TNFAIP8L3: variants seen among roughly 807,000 people sequenced by gnomAD.
TNFAIP8L3 encodes tumor necrosis factor alpha-induced protein 8-like protein 3.
A neutral mutation model predicts 11.8 loss-of-function variants in TNFAIP8L3; 7 were observed. The ratio of observed to expected loss-of-function variants is 0.59; its 90% CI spans 0.34 to 1.11. TNFAIP8L3 has a LOEUF of 1.11. TNFAIP8L3 is among the 50% of genes most tolerant of loss of function. TNFAIP8L3 has a pLI of 0.03. For synonymous variants in TNFAIP8L3, 98 were observed against 103.8 expected (o/e 0.94, Z 0.34); for missense variants, 219 against 258.6 (o/e 0.85, Z 1.05).
At chr15:51,070,843 G>A (rs1054585433) in intron 1 of TNFAIP8L3, among the ~76,000 whole-genome samples, 3 of 150,404 alleles carry the variant, frequency 2.0e-5, no homozygotes, top group Non-Finnish European at 4.4e-5. Flanking sequence ...TCAGGAGATC[G>A]AGACCATCCC....
rs1295554877 is a variant in TNFAIP8L3, at chr15:51,094,599, G to C, written c.-4C>G. On this transcript the variant is annotated 5_prime_UTR_variant, in exon 1 of 2. Transcript: ENST00000637513. The surrounding 1 kb of genome is among the most constrained non-coding windows in gnomAD (Gnocchi z 4.4). ...GCTCCCCGGAATCCGAATCCATGCT[G>C]CGGGCTGCTGGCTGGGCGTCCACGG... 4.0e-6 allele frequency: 6 copies of C among 1,484,638 alleles called. No homozygotes were observed. Among genetic ancestry groups the C allele is most frequent in the Non-Finnish European group, 5.3e-6 (6 of 1,121,740 alleles). 92.0% of individuals were successfully genotyped at this position (1,484,638 alleles called of 1,614,324 possible). A position where few individuals can be genotyped will look rare whatever the true frequency, so the allele number is the denominator to read the frequency against.
At chr15:51,082,912 T>A (rs1165710521) in intron 1 of TNFAIP8L3, among the ~76,000 whole-genome samples, 1 of 152,226 alleles carries the variant, frequency 6.6e-6, no homozygotes, top group African/African-American at 2.4e-5. Flanking sequence ...CCTGACTGTA[T>A]AATTTTATAC....
chr15:51,085,474 G>A (rs1197388607), intron 1 of TNFAIP8L3, among the ~76,000 whole-genome samples: 1 of 152,204 alleles, frequency 6.6e-6, no homozygotes, highest in East Asian at 1.9e-4. Context: ...GTGCTGGTCT[G>A]ACCTGTGGCA....
chr15:51,090,587 G>C (rs2065461293), intron 1 of TNFAIP8L3, among the ~76,000 whole-genome samples: 1 of 152,158 alleles, frequency 6.6e-6, no homozygotes, highest in South Asian at 2.1e-4. Context: ...TTCTCAAGCT[G>C]TATGACTTCT....
upstream of TNFAIP8L3, among the ~76,000 whole-genome samples, chr15:51,095,736 T>C (rs1297228867): frequency 1.3e-5 from 2 of 152,182 alleles, no homozygotes; most frequent in Non-Finnish European, 2.9e-5. Flanking sequence ...AGGCCTTTTT[T>C]GTTGTTGTTA....
Position 51,057,468 on chromosome 15 carries a change from C to G in TNFAIP8L3, c.*413G>C. The G allele has an allele frequency of 6.1e-6, 1 of 165,036 alleles. No individual in the cohort carries two copies. Among genetic ancestry groups the G allele is most frequent in the Admixed American group, 5.7e-5 (1 of 17,502 alleles). 10.2% of individuals were successfully genotyped at this position (165,036 alleles called of 1,614,324 possible). On this transcript the variant is annotated 3_prime_UTR_variant, in exon 2 of 2. Transcript: ENST00000637513. ...ACATCATCTCATCTGGTCCTCACAA[C>G]AGCCCTGTGAGGCAGGCAGGCAGGC...
intron 1 of TNFAIP8L3, among the ~76,000 whole-genome samples, chr15:51,058,793 C>T (rs567928987): frequency 3.9e-5 from 6 of 152,344 alleles, no homozygotes; most frequent in African/African-American, 7.2e-5. Flanking sequence ...ACTGCTGTCA[C>T]GCTGGAAACC....
upstream of TNFAIP8L3, among the ~76,000 whole-genome samples, chr15:51,098,609 G>A (rs2065529437): frequency 1.3e-5 from 2 of 152,068 alleles, no homozygotes; most frequent in Non-Finnish European, 2.9e-5. Flanking sequence ...GCTTTTATTT[G>A]TCTCCCCTCT....
chr15:51,074,560 C>T (rs1567290574), intron 1 of TNFAIP8L3, among the ~76,000 whole-genome samples: 1 of 152,240 alleles, frequency 6.6e-6, no homozygotes, highest in Non-Finnish European at 1.5e-5. Flanking sequence ...ACCTCTGGCT[C>T]TGCCCACCGG....
At position 51,056,825 on chromosome 15, in the gene TNFAIP8L3, C is replaced by T. The variant is rs957166017; in HGVS notation, c.*1056G>A. The T allele has an allele frequency of 6.6e-6, 1 of 151,876 alleles. No individual in the cohort carries two copies. The highest frequency in any genetic ancestry group is 1.9e-4 in the East Asian group (1 of 5,192). 9.4% of individuals were successfully genotyped at this position (151,876 alleles called of 1,614,324 possible). ...TGGATGGAAAACTCTCTCTCCCCAC[C>T]CCCCCATGGAAAGTTTCCCTCTGCA... On this transcript the variant is annotated 3_prime_UTR_variant, in exon 2 of 2. Coordinates refer to ENST00000637513, the MANE Select transcript of TNFAIP8L3 (RefSeq NM_001311175.2).
intron 1 of TNFAIP8L3, among the ~76,000 whole-genome samples, chr15:51,100,160 C>A (rs1200425693): frequency 6.6e-6 from 1 of 152,160 alleles, no homozygotes; most frequent in African/African-American, 2.4e-5. Flanking sequence ...TGTTGAGTAT[C>A]CTCTGTGTTT....
intron 1 of TNFAIP8L3, among the ~76,000 whole-genome samples, chr15:51,069,039 T>C (rs189740984): frequency 2.7e-4 from 41 of 152,184 alleles, no homozygotes; most frequent in Admixed American, 6.5e-4. Context: ...TTGGGTGCAA[T>C]AGGACGGGGG....
intron 1 of TNFAIP8L3, among the ~76,000 whole-genome samples, chr15:51,065,405 C>T (rs1052079864): frequency 5.3e-5 from 8 of 152,170 alleles, no homozygotes; most frequent in Non-Finnish European, 1.2e-4. Flanking sequence ...AGCCAGAGTA[C>T]AAGTGATGTT....
At position 51,094,517 on chromosome 15, in the gene TNFAIP8L3, G is replaced by C. The variant is rs982446134; in HGVS notation, c.52+27C>G. The C allele has an allele frequency of 3.5e-5, 51 of 1,440,614 alleles. No homozygotes were observed. In the Admixed American group the frequency reaches 9.6e-4, roughly 27 times the overall value. The allele number at this position is 1,440,614 out of a possible 1,614,324, so 89.2% of individuals were successfully genotyped here. ...CGTCCTCCCCAGCCCCAGCCCACCC[G>C]CCTGGGCCGTCGCGGCCCCTAGGTA... On this transcript the variant is annotated intron_variant, in intron 1 of 1. Coordinates refer to ENST00000637513, the MANE Select transcript of TNFAIP8L3 (RefSeq NM_001311175.2). The surrounding 1 kb of genome is among the most constrained non-coding windows in gnomAD (Gnocchi z 4.4).
At position 51,057,662 on chromosome 15, in the gene TNFAIP8L3, G is replaced by A; in HGVS notation, c.*219C>T. On this transcript the variant is annotated 3_prime_UTR_variant, in exon 2 of 2. Transcript: ENST00000637513. ...TTAGAATAGATGAAATGTCCTTTGG[G>A]CTTGCACACAGGTGATTTTAAGTAG... 1 of 518,722 alleles carries A rather than the reference G, an allele frequency of 1.9e-6. No homozygotes were observed. Among genetic ancestry groups the A allele is most frequent in the South Asian group, 3.0e-5 (1 of 33,330 alleles). 32.1% of individuals were successfully genotyped at this position (518,722 alleles called of 1,614,324 possible). A position where few individuals can be genotyped will look rare whatever the true frequency, so the allele number is the denominator to read the frequency against.
chr15:51,093,649 T>C (rs1387696010), intron 1 of TNFAIP8L3, among the ~76,000 whole-genome samples: 1 of 152,074 alleles, frequency 6.6e-6, no homozygotes, highest in African/African-American at 2.4e-5. Context: ...ACAGCTAACC[T>C]TCAGAGCTGC....
chr15:51,090,578 T>G (rs1263588515), intron 1 of TNFAIP8L3, among the ~76,000 whole-genome samples: 1 of 152,198 alleles, frequency 6.6e-6, no homozygotes, highest in Non-Finnish European at 1.5e-5. Context: ...TTGTGTCTTT[T>G]CTCAAGCTGT....
chr15:51,074,275 C>T (rs145513486), intron 1 of TNFAIP8L3, among the ~76,000 whole-genome samples: 28 of 152,308 alleles, frequency 1.8e-4, no homozygotes, highest in African/African-American at 6.5e-4. Context: ...GCATTTCACT[C>T]GACATTCTGA....
chr15:51,061,282 G>T (rs2065241100), intron 1 of TNFAIP8L3, among the ~76,000 whole-genome samples: 1 of 152,168 alleles, frequency 6.6e-6, no homozygotes, highest in South Asian at 2.1e-4. Flanking sequence ...GGGACTACAG[G>T]AATGTACACT....
Sources: allele counts gnomAD v4.1 joint callset (sites outside exome capture counted in the v4.1 genomes callset), GRCh38; gene constraint gnomAD v4.1.1; non-coding constraint Gnocchi (gnomAD v3.1); transcripts MANE v1.5; gene names NCBI Gene and HGNC (gene_info 2026-07-23, HGNC 2026-07-21).